Variants in PDCD6IP observed in about 807,000 individuals in gnomAD.
The protein encoded by PDCD6IP is programmed cell death 6 interacting protein.
Under a neutral mutation model 103.7 loss-of-function variants are expected in PDCD6IP, and 43 were observed. The ratio of observed to expected loss-of-function variants is 0.41; its 90% CI spans 0.32 to 0.53. The LOEUF (loss-of-function observed/expected upper bound fraction) is 0.53, where lower values mean the gene tolerates loss of function less well. Among genes scored for constraint, PDCD6IP ranks in the 20% least tolerant of loss-of-function variants. PDCD6IP has a pLI of 0.16. For synonymous variants in PDCD6IP, 354 were observed against 378.7 expected (o/e 0.93, Z 0.76); for missense variants, 871 against 1,036.7 (o/e 0.84, Z 2.20).
At chr3:33,813,677 G>T (rs1236410609) in intron 3 of PDCD6IP, 49 bp downstream of exon 3, 1 of 1,056,138 alleles carries the variant, frequency 9.5e-7, no homozygotes, top group Non-Finnish European at 1.5e-6. Context: ...TAACTACTTT[G>T]CATTGTTTTT....
At chr3:33,826,678 G>T in intron 6 of PDCD6IP, 98 bp downstream of exon 6, 2 of 1,504,898 alleles carry the variant, frequency 1.3e-6, no homozygotes. Context: ...AAAGAAATTT[G>T]AAGTTTTAAT....
At chr3:33,832,065 G>A (rs1697255933) in intron 7 of PDCD6IP, among the ~76,000 whole-genome samples, 2 of 152,142 alleles carry the variant, frequency 1.3e-5, no homozygotes, top group African/African-American at 4.8e-5. Context: ...ACTTCAGCAG[G>A]TGTCTTAGCT....
intron 1 of PDCD6IP, among the ~76,000 whole-genome samples, chr3:33,800,978 C>T (rs6772865): frequency 0.22 from 33,655 of 152,134 alleles, 4,065 homozygotes; most frequent in East Asian, 0.39. Context: ...GTGAACTGTT[C>T]CTAGGTAGTG....
Position 33,866,350 on chromosome 3 carries a change from G to T in PDCD6IP, c.2433-1G>T, listed in dbSNP as rs1454125629. ...AAGATTTTTCTGTTTTCTTCTATCAGGTATTGCCAAATGCCCATGCCCATG... is the reference window on the plus strand; with the variant it reads ...AAGATTTTTCTGTTTTCTTCTATCATGTATTGCCAAATGCCCATGCCCATG... On this transcript the variant is annotated splice_acceptor_variant, in intron 17 of 17. Coordinates refer to ENST00000307296, the MANE Select transcript of PDCD6IP (RefSeq NM_013374.6). LOFTEE classifies it high-confidence loss of function. The T allele has an allele frequency of 1.4e-6, 2 of 1,460,250 alleles. No individual in the cohort carries two copies. The highest frequency in any genetic ancestry group is 2.4e-5 in the Admixed American group (1 of 41,738). 90.5% of individuals were successfully genotyped at this position (1,460,250 alleles called of 1,614,324 possible). A position where few individuals can be genotyped will look rare whatever the true frequency, so the allele number is the denominator to read the frequency against.
At position 33,825,175 on chromosome 3, in the gene PDCD6IP, T is replaced by TC. The variant is rs758382365; in HGVS notation, c.463-6dup. ...TGAGTTCCTATAAAGAAATTCTTTT[T>TC]CCCCCCTTTAGTTTGCTAGTGGTGC... On this transcript the variant is annotated splice_polypyrimidine_tract_variant and intron_variant, in intron 4 of 17. Coordinates refer to ENST00000307296, the MANE Select transcript of PDCD6IP (RefSeq NM_013374.6). 1.9e-6 allele frequency: 3 copies of TC among 1,600,926 alleles called. No individual in the cohort carries two copies. Among genetic ancestry groups the TC allele is most frequent in the Non-Finnish European group, 8.5e-7 (1 of 1,176,626 alleles).
Position 33,868,760 on chromosome 3 carries a change from T to A in PDCD6IP, c.*2235T>A, listed in dbSNP as rs1329585393. 6.6e-6 allele frequency: 1 copy of A among 152,214 alleles called. No individual in the cohort carries two copies. Among genetic ancestry groups the A allele is most frequent in the Non-Finnish European group, 1.5e-5 (1 of 68,040 alleles). The allele number at this position is 152,214 out of a possible 1,614,324, so 9.4% of individuals were successfully genotyped here. The stretch of plus-strand genomic sequence containing the variant: ...ATCTTCCTAAATCAAGGAAAGGAAA[T>A]CATCCCCAGACCATTTATGCTGAGC... On this transcript the variant is annotated 3_prime_UTR_variant, in exon 18 of 18. Coordinates refer to ENST00000307296, the MANE Select transcript of PDCD6IP (RefSeq NM_013374.6).
At chr3:33,855,297 A>G (rs1199142938) in intron 15 of PDCD6IP, 37 bp downstream of exon 15, 1 of 1,290,052 alleles carries the variant, frequency 7.8e-7, no homozygotes, top group African/African-American at 1.5e-5. Context: ...TACTTAAAGA[A>G]TTTTCTTTTA....
chr3:33,859,764 T>C (rs1697911258), intron 15 of PDCD6IP, among the ~76,000 whole-genome samples: 1 of 152,212 alleles, frequency 6.6e-6, no homozygotes, highest in African/African-American at 2.4e-5. Context: ...GCATTTTAGC[T>C]GTAAAGAATA....
Position 33,869,571 on chromosome 3 carries a change from C to T in PDCD6IP, c.*3046C>T, listed in dbSNP as rs1490290999. On this transcript the variant is annotated 3_prime_UTR_variant, in exon 18 of 18. Transcript: ENST00000307296. Reference sequence around the variant, plus strand: ...ATTATCACACCAGAGATTTTAGATTCTTTTCTGGTTAGAAACATTGCTGGT... The same window carrying T: ...ATTATCACACCAGAGATTTTAGATTTTTTTCTGGTTAGAAACATTGCTGGT... 2.6e-5 allele frequency: 4 copies of T among 152,060 alleles called. No individual in the cohort carries two copies. Among genetic ancestry groups the T allele is most frequent in the Admixed American group, 6.5e-5 (1 of 15,270 alleles). The allele number at this position is 152,060 out of a possible 1,614,324, so 9.4% of individuals were successfully genotyped here.
At chr3:33,862,799 T>G (rs1341126640) in intron 15 of PDCD6IP, among the ~76,000 whole-genome samples, 1 of 152,174 alleles carries the variant, frequency 6.6e-6, no homozygotes, top group Admixed American at 6.5e-5. Flanking sequence ...CACTGTAGTT[T>G]TCTGATAACT....
chr3:33,843,960 G>A (rs1275341952), intron 10 of PDCD6IP, 152 bp from the exon 11 acceptor site: 1 of 460,114 alleles, frequency 2.2e-6, no homozygotes, highest in Non-Finnish European at 3.9e-6. Flanking sequence ...TTATAACTTA[G>A]ATGTCTGCAA....
chr3:33,839,460 T>C (rs1331934794), intron 9 of PDCD6IP, among the ~76,000 whole-genome samples: 1 of 118,380 alleles, frequency 8.4e-6, no homozygotes, highest in African/African-American at 3.1e-5. Flanking sequence ...ATTTTATGGT[T>C]ATAGGGCAGT....
At chr3:33,825,410 A>G (rs561065343) in intron 5 of PDCD6IP, 70 bp downstream of exon 5, 2 of 1,298,332 alleles carry the variant, frequency 1.5e-6, no homozygotes, top group African/African-American at 3.0e-5. Context: ...GAAAGTGATT[A>G]GAATATAATA....
At chr3:33,852,437 C>CTTTTTTT (rs59048229) in intron 12 of PDCD6IP, 51 bp from the exon 13 acceptor site, 5 of 1,042,190 alleles carry the variant, frequency 4.8e-6, no homozygotes, top group African/African-American at 2.4e-5. Flanking sequence ...TCGAAATTGG[C>CTTTTTTT]TTTTTTTTTT....
At chr3:33,817,812 C>A (rs1206182952) in intron 3 of PDCD6IP, among the ~76,000 whole-genome samples, 4 of 150,570 alleles carry the variant, frequency 2.7e-5, no homozygotes, top group Non-Finnish European at 5.9e-5. Context: ...AACAAGAATA[C>A]AGTTAAATAC....
At chr3:33,802,791 ATC>A (rs1042130958) in intron 1 of PDCD6IP, among the ~76,000 whole-genome samples, 2 of 152,172 alleles carry the variant, frequency 1.3e-5, no homozygotes, top group Admixed American at 1.3e-4. Flanking sequence ...TGCCCGGCCA[ATC>A]TCTGACGTTT....
At chr3:33,823,133 A>G (rs1198822065) in intron 4 of PDCD6IP, among the ~76,000 whole-genome samples, 3 of 152,198 alleles carry the variant, frequency 2.0e-5, no homozygotes, top group East Asian at 1.9e-4. Flanking sequence ...TATGTCATAT[A>G]ATGTCATTCC....
intron 1 of PDCD6IP, among the ~76,000 whole-genome samples, chr3:33,802,593 G>A (rs939009464): frequency 6.6e-6 from 1 of 151,290 alleles, no homozygotes; most frequent in Non-Finnish European, 1.5e-5. Flanking sequence ...GGGTTCAAAC[G>A]ATTCTCCTGC....
intron 3 of PDCD6IP, among the ~76,000 whole-genome samples, chr3:33,820,387 G>A (rs1007797151): frequency 2.0e-5 from 3 of 152,132 alleles, no homozygotes; most frequent in African/African-American, 7.2e-5. Context: ...CCTCATACAA[G>A]TAGAGTCGTA....
Sources: gnomAD v4.1 joint callset for allele counts (sites outside exome capture counted in the v4.1 genomes callset) on GRCh38, gnomAD v4.1.1 for gene constraint, MANE v1.5 for transcripts, NCBI Gene and HGNC (gene_info 2026-07-23, HGNC 2026-07-21) for gene names.